SGCZ: variants seen among roughly 807,000 people sequenced by gnomAD.
The protein encoded by SGCZ is zeta-sarcoglycan.
A neutral mutation model predicts 41.3 loss-of-function variants in SGCZ; 40 were observed. The ratio of observed to expected loss-of-function variants is 0.97; its 90% CI spans 0.75 to 1.26. The LOEUF (loss-of-function observed/expected upper bound fraction) is 1.26, where lower values mean the gene tolerates loss of function less well. Among genes scored for constraint, SGCZ ranks in the 50% most tolerant of loss-of-function variants. The probability of loss-of-function intolerance (pLI) is 0.00; values close to 1 mark genes in which losing one functional copy is unlikely to be tolerated. For synonymous variants in SGCZ, 206 were observed against 137.5 expected, an observed-to-expected ratio of 1.50 and a Z score of -3.49; for missense variants, 552 against 369.8, an observed-to-expected ratio of 1.49 and a Z score of -4.04.
chr8:14,512,597 C>A (rs924250581), intron 2 of SGCZ, among the ~76,000 whole-genome samples: 1 of 150,838 alleles, frequency 6.6e-6, no homozygotes, highest in African/African-American at 2.4e-5. Context: ...GTAACTAGGG[C>A]TACAGGTACA....
intron 1 of SGCZ, among the ~76,000 whole-genome samples, chr8:14,923,388 C>A (rs1369241707): frequency 6.6e-6 from 1 of 152,142 alleles, no homozygotes; most frequent in Non-Finnish European, 1.5e-5. Flanking sequence ...AAGAAATGAG[C>A]CTCTCTGGAA....
chr8:14,614,171 G>A (rs962163398), intron 1 of SGCZ, among the ~76,000 whole-genome samples: 1 of 152,080 alleles, frequency 6.6e-6, no homozygotes, highest in Non-Finnish European at 1.5e-5. Flanking sequence ...AATTAAATGT[G>A]TTGTCAAGAA....
chr8:15,106,164 G>A (rs1334057138), intron 1 of SGCZ, among the ~76,000 whole-genome samples: 1 of 151,864 alleles, frequency 6.6e-6, no homozygotes, highest in African/African-American at 2.4e-5. Context: ...TTTTCCACAT[G>A]AACATTAGTA....
chr8:14,749,586 G>T (rs1407111009), intron 1 of SGCZ, among the ~76,000 whole-genome samples: 1 of 152,020 alleles, frequency 6.6e-6, no homozygotes, highest in Non-Finnish European at 1.5e-5. Flanking sequence ...GATGATAGTG[G>T]TCTATTCTGG....
At chr8:15,178,374 T>C (rs1254016916) in intron 1 of SGCZ, among the ~76,000 whole-genome samples, 1 of 152,122 alleles carries the variant, frequency 6.6e-6, no homozygotes, top group African/African-American at 2.4e-5. Context: ...CAAAACCAAA[T>C]TCTCCCATTT....
chr8:14,924,295 A>C lies in SGCZ; in HGVS notation c.39+313290T>G, dbSNP rs1340294796. 2.6e-5 allele frequency among the ~76,000 whole-genome samples: 4 copies of C among 152,064 alleles called. 1 individual carries two copies. In the East Asian group the frequency reaches 7.7e-4, roughly 29 times the overall value. ...TTCCTGTATAGAAATGAAGTTTTTCACTCCTGTTAATCTATGGTTTGTCAA... is the reference window on the plus strand; with the variant it reads ...TTCCTGTATAGAAATGAAGTTTTTCCCTCCTGTTAATCTATGGTTTGTCAA... On this transcript the variant is annotated intron_variant, in intron 1 of 7. Coordinates refer to ENST00000382080, the MANE Select transcript of SGCZ (RefSeq NM_139167.4).
chr8:14,138,523 AAAGG>A lies in SGCZ; in HGVS notation c.547+26053_547+26056del, dbSNP rs75218656. Reference sequence around the variant, plus strand: ...AAGCAAAGGGAAAACAAAAAAAAAAAAAGGGGGGGTTGCATTTCTAGTCTCTGAT... The same window carrying A: ...AAGCAAAGGGAAAACAAAAAAAAAAAGGGGGTTGCATTTCTAGTCTCTGAT... On this transcript the variant is annotated intron_variant, in intron 5 of 7. Coordinates refer to ENST00000382080, the MANE Select transcript of SGCZ (RefSeq NM_139167.4). 2.7e-3 allele frequency among the ~76,000 whole-genome samples: 277 copies of A among 102,156 alleles called. 2 individuals carry two copies. Among genetic ancestry groups the A allele is most frequent in the African/African-American group, 0.011 (255 of 22,554 alleles). 67.0% of individuals were successfully genotyped at this position (102,156 alleles called of 152,430 possible).
intron 1 of SGCZ, among the ~76,000 whole-genome samples, chr8:15,072,576 C>T (rs1805395506): frequency 6.6e-6 from 1 of 152,084 alleles, no homozygotes; most frequent in Admixed American, 6.6e-5. Context: ...TCTAGCTAAG[C>T]TGTGTAGAAA....
chr8:14,454,947 T>C (rs1364150249), intron 2 of SGCZ, among the ~76,000 whole-genome samples: 5 of 152,200 alleles, frequency 3.3e-5, no homozygotes, highest in Non-Finnish European at 5.9e-5. Context: ...ATGGGTAGAT[T>C]TGTCTTTGAA....
chr8:15,214,729 A>G (rs769538182), intron 1 of SGCZ, among the ~76,000 whole-genome samples: 2 of 152,120 alleles, frequency 1.3e-5, no homozygotes, highest in South Asian at 2.1e-4. Flanking sequence ...CTCAGACTCA[A>G]ATTCTGAACA....
chr8:15,165,007 T>C (rs1364789717), intron 1 of SGCZ, among the ~76,000 whole-genome samples: 3 of 152,064 alleles, frequency 2.0e-5, no homozygotes, highest in African/African-American at 7.2e-5. Flanking sequence ...AGAGCTCTAA[T>C]TAGGCCAGGC....
At chr8:14,539,812 C>G (rs1803405068) in intron 2 of SGCZ, among the ~76,000 whole-genome samples, 1 of 151,832 alleles carries the variant, frequency 6.6e-6, no homozygotes. Context: ...TTTTCCATTC[C>G]TGTTAGTTTG....
At chr8:14,910,621 C>T (rs1330295349) in intron 1 of SGCZ, among the ~76,000 whole-genome samples, 7 of 151,758 alleles carry the variant, frequency 4.6e-5, no homozygotes, top group Non-Finnish European at 8.8e-5. Context: ...TGGGTATACA[C>T]TGATATTTTA....
chr8:14,831,181 AT>A (rs1414173108), intron 1 of SGCZ, among the ~76,000 whole-genome samples: 1 of 152,196 alleles, frequency 6.6e-6, no homozygotes, highest in Admixed American at 6.5e-5. Flanking sequence ...GCTAATAAAA[AT>A]GTTATAGAGT....
chr8:14,962,962 C>A (rs1286824152), intron 1 of SGCZ, among the ~76,000 whole-genome samples: 1 of 152,146 alleles, frequency 6.6e-6, no homozygotes, highest in African/African-American at 2.4e-5. Flanking sequence ...AAAAGTAGGT[C>A]TCCTCAGGGT....
At chr8:14,391,943 A>G (rs1029946134) in intron 2 of SGCZ, among the ~76,000 whole-genome samples, 1 of 152,042 alleles carries the variant, frequency 6.6e-6, no homozygotes, top group African/African-American at 2.4e-5. Context: ...TTGCAAGGAC[A>G]GTACAAACGG....
At chr8:14,868,886 C>G (rs1036435629) in intron 1 of SGCZ, among the ~76,000 whole-genome samples, 1 of 151,950 alleles carries the variant, frequency 6.6e-6, no homozygotes, top group African/African-American at 2.4e-5. Context: ...AAGGCTAAAC[C>G]AGGAAGAAGC....
At chr8:14,743,243 T>C (rs980775756) in intron 1 of SGCZ, among the ~76,000 whole-genome samples, 1 of 152,068 alleles carries the variant, frequency 6.6e-6, no homozygotes, top group African/African-American at 2.4e-5. Context: ...GATATTCTTA[T>C]TAATATATTT....
At chr8:14,380,605 G>C (rs889978990) in intron 2 of SGCZ, among the ~76,000 whole-genome samples, 1 of 152,162 alleles carries the variant, frequency 6.6e-6, no homozygotes, top group African/African-American at 2.4e-5. Context: ...TGTAATCCCA[G>C]TACTTTGGGA....
Sources: allele counts gnomAD v4.1 joint callset (sites outside exome capture counted in the v4.1 genomes callset), GRCh38; gene constraint gnomAD v4.1.1; transcripts MANE v1.5; gene names NCBI Gene and HGNC (gene_info 2026-07-23, HGNC 2026-07-21).